Variants in GALNTL6 observed in about 807,000 individuals in gnomAD.
The protein encoded by GALNTL6 is polypeptide N-acetylgalactosaminyltransferase like 6.
GALNTL6 carries 46 observed loss-of-function variants against 73.7 expected under a neutral mutation model. That is an observed-to-expected ratio of 0.62 (90% CI 0.49 to 0.80). The LOEUF (loss-of-function observed/expected upper bound fraction) is 0.80. GALNTL6 is among the 30% of genes least tolerant of loss of function. The pLI is 0.00. For synonymous variants in GALNTL6, 259 were observed against 263.7 expected (o/e 0.98, Z 0.17); for missense variants, 604 against 755.0 (o/e 0.80, Z 2.34).
At chr4:171,936,150 A>C (rs1464949343) in intron 2 of GALNTL6, among the ~76,000 whole-genome samples, 2 of 152,186 alleles carry the variant, frequency 1.3e-5, no homozygotes, top group African/African-American at 4.8e-5. Context: ...GTGCATACTA[A>C]TGTGGCTCAT....
intron 7 of GALNTL6, among the ~76,000 whole-genome samples, chr4:172,847,563 T>C (rs1194388401): frequency 6.6e-6 from 1 of 152,124 alleles, no homozygotes; most frequent in African/African-American, 2.4e-5. Context: ...ACTTTTTCTG[T>C]TTAAGTTGCT....
intron 3 of GALNTL6, among the ~76,000 whole-genome samples, chr4:172,251,413 G>A (rs1390843952): frequency 6.6e-6 from 1 of 152,042 alleles, no homozygotes; most frequent in African/African-American, 2.4e-5. Context: ...TAGCACTCGG[G>A]TTCAGCCAAG....
chr4:172,410,952 C>A (rs1437701024), intron 5 of GALNTL6, among the ~76,000 whole-genome samples: 1 of 152,008 alleles, frequency 6.6e-6, no homozygotes, highest in East Asian at 1.9e-4. Context: ...TAAATAAATG[C>A]AAGAGTAGCT....
intron 3 of GALNTL6, among the ~76,000 whole-genome samples, chr4:172,306,062 A>G (rs773347999): frequency 1.3e-5 from 2 of 152,166 alleles, no homozygotes; most frequent in Non-Finnish European, 2.9e-5. Context: ...GGGTGGATGT[A>G]TACATTTTAC....
intron 2 of GALNTL6, among the ~76,000 whole-genome samples, chr4:172,226,595 G>C (rs1304929651): frequency 2.7e-5 from 1 of 37,484 alleles, no homozygotes; most frequent in African/African-American, 1.0e-4. Flanking sequence ...GTGTCTGTGT[G>C]TGTGTGTTTC....
intron 5 of GALNTL6, among the ~76,000 whole-genome samples, chr4:172,498,938 C>T (rs1023211665): frequency 6.6e-6 from 1 of 152,188 alleles, no homozygotes; most frequent in African/African-American, 2.4e-5. Flanking sequence ...TAACATAATG[C>T]ACATTTGCAA....
chr4:171,942,283 G>A (rs1235748327), intron 2 of GALNTL6, among the ~76,000 whole-genome samples: 1 of 73,392 alleles, frequency 1.4e-5, no homozygotes, highest in Non-Finnish European at 3.9e-5. Context: ...ATACAGAACT[G>A]TAAAGACAGA....
chr4:171,940,541 GC>G (rs1383510330), intron 2 of GALNTL6, among the ~76,000 whole-genome samples: 1 of 152,030 alleles, frequency 6.6e-6, no homozygotes, highest in Non-Finnish European at 1.5e-5. Context: ...GAGGTGAAGG[GC>G]CAGGCGCAGT....
chr4:172,996,596 A>G (rs895100918), intron 10 of GALNTL6, among the ~76,000 whole-genome samples: 1 of 152,202 alleles, frequency 6.6e-6, no homozygotes, highest in African/African-American at 2.4e-5. Flanking sequence ...GAGGGCTCTC[A>G]TTCTCATGTG....
At chr4:172,517,580 A>G (rs944765907) in intron 5 of GALNTL6, among the ~76,000 whole-genome samples, 8 of 152,116 alleles carry the variant, frequency 5.3e-5, no homozygotes, top group Non-Finnish European at 7.4e-5. Context: ...TTTTACCACC[A>G]GCTCAACCTG....
chr4:172,146,227 C>T (rs765025953), intron 2 of GALNTL6, among the ~76,000 whole-genome samples: 4 of 152,122 alleles, frequency 2.6e-5, no homozygotes, highest in African/African-American at 4.8e-5. Flanking sequence ...CACATTCTGC[C>T]GCCCTTCAGT....
chr4:172,743,855 G>A lies in GALNTL6; in HGVS notation c.554-65506G>A, dbSNP rs937474534. 5.9e-5 allele frequency among the ~76,000 whole-genome samples: 9 copies of A among 151,990 alleles called. 1 individual carries two copies. Among genetic ancestry groups the A allele is most frequent in the South Asian group, 4.1e-4 (2 of 4,824 alleles). On this transcript the variant is annotated intron_variant, in intron 5 of 12. Transcript: ENST00000506823. The stretch of plus-strand genomic sequence containing the variant: ...ATGATTAAATTTATGATAATCTATT[G>A]TCATCCTCCAAGATCCATCTATCTT...
chr4:172,858,918 T>C (rs1040778365), intron 7 of GALNTL6, among the ~76,000 whole-genome samples: 2 of 150,122 alleles, frequency 1.3e-5, no homozygotes, highest in African/African-American at 4.9e-5. Flanking sequence ...AAATTAAAGA[T>C]GAACAAACCC....
intron 5 of GALNTL6, among the ~76,000 whole-genome samples, chr4:172,775,027 G>C (rs1183253452): frequency 6.6e-6 from 1 of 150,882 alleles, no homozygotes; most frequent in Non-Finnish European, 1.5e-5. Flanking sequence ...AGGACTTGGG[G>C]ACATAATCAG....
chr4:172,702,033 A>G (rs1734058135), intron 5 of GALNTL6, among the ~76,000 whole-genome samples: 4 of 152,092 alleles, frequency 2.6e-5, no homozygotes, highest in Non-Finnish European at 5.9e-5. Flanking sequence ...TGGATAATTT[A>G]TATTTTACTA....
chr4:172,423,094 T>G (rs1731107536), intron 5 of GALNTL6, among the ~76,000 whole-genome samples: 1 of 151,880 alleles, frequency 6.6e-6, no homozygotes, highest in African/African-American at 2.4e-5. Flanking sequence ...TTTCTAGCAT[T>G]TTAATGCAAA....
intron 4 of GALNTL6, among the ~76,000 whole-genome samples, chr4:172,346,459 G>A (rs989662821): frequency 6.6e-6 from 1 of 152,170 alleles, no homozygotes; most frequent in African/African-American, 2.4e-5. Flanking sequence ...ACCAAGTCGT[G>A]TGAATTCTCT....
At chr4:172,257,263 A>T (rs1738112476) in intron 3 of GALNTL6, among the ~76,000 whole-genome samples, 1 of 151,370 alleles carries the variant, frequency 6.6e-6, no homozygotes, top group Non-Finnish European at 1.5e-5. Flanking sequence ...AATATAGATG[A>T]CACAGCTGTA....
intron 4 of GALNTL6, among the ~76,000 whole-genome samples, chr4:172,317,136 A>G (rs892390191): frequency 9.8e-5 from 15 of 152,354 alleles, no homozygotes; most frequent in Non-Finnish European, 1.5e-4. Flanking sequence ...TGAAGTACTT[A>G]CAAAGTCAGC....
Sources: gnomAD v4.1 joint callset for allele counts (sites outside exome capture counted in the v4.1 genomes callset) on GRCh38, gnomAD v4.1.1 for gene constraint, MANE v1.5 for transcripts, NCBI Gene and HGNC (gene_info 2026-07-23, HGNC 2026-07-21) for gene names.